Variants in ELP3 observed in about 807,000 individuals in gnomAD.
ELP3 encodes the protein elongator acetyltransferase complex subunit 3.
A neutral mutation model predicts 74.9 loss-of-function variants in ELP3; 56 were observed. That is an observed-to-expected ratio of 0.75 (90% CI 0.60 to 0.93). The LOEUF is 0.93. Ranked by LOEUF, ELP3 falls within the 40% of genes least tolerant of loss-of-function variation. The pLI is 0.00. For missense variants in ELP3, 573 were observed against 686.5 expected, an observed-to-expected ratio of 0.83 and a Z score of 1.85; for synonymous variants, 222 against 239.8, an observed-to-expected ratio of 0.93 and a Z score of 0.68.
intron 10 of ELP3, among the ~76,000 whole-genome samples, chr8:28,138,827 C>G (rs576710227): frequency 6.6e-6 from 1 of 152,348 alleles, no homozygotes; most frequent in African/African-American, 2.4e-5. Flanking sequence ...GTTTTAAAAT[C>G]ATTGGCCAAA....
rs995465865 is a variant in ELP3 at position 28,093,178 on chromosome 8, T to G, written c.-37T>G. 1.2e-6 allele frequency: 2 copies of G among 1,610,728 alleles called. No individual in the cohort carries two copies. The highest frequency in any genetic ancestry group is 2.7e-5 in the African/African-American group (2 of 74,926). ...CCCGTGGTCTGAGTTTGTGGCTGCA[T>G]TTTTATCTCTGGTGGCTCTGCTACG... On this transcript the variant is annotated 5_prime_UTR_variant, in exon 1 of 15. Coordinates refer to ENST00000256398, the MANE Select transcript of ELP3 (RefSeq NM_018091.6).
Position 28,190,586 on chromosome 8 carries a change from T to TTC in ELP3, c.*863_*864dup, listed in dbSNP as rs893087981. 1 of 151,884 alleles carries TTC rather than the reference T, an allele frequency of 6.6e-6. No homozygotes were observed. The highest frequency in any genetic ancestry group is 2.4e-5 in the African/African-American group (1 of 41,344). 9.4% of individuals were successfully genotyped at this position (151,884 alleles called of 1,614,324 possible). On this transcript the variant is annotated 3_prime_UTR_variant, in exon 15 of 15. Coordinates refer to ENST00000256398, the MANE Select transcript of ELP3 (RefSeq NM_018091.6). ...CCATTACTTGCAATTTTTTTTTTTT[T>TTC]TCTGAGAAAGTCTCGCTGTGTCACC...
At chr8:28,179,658 T>C (rs1814919168) in intron 14 of ELP3, among the ~76,000 whole-genome samples, 1 of 152,216 alleles carries the variant, frequency 6.6e-6, no homozygotes, top group Non-Finnish European at 1.5e-5. Flanking sequence ...AGCAGTCCCA[T>C]CTGGGGATGA....
At chr8:28,152,541 C>T (rs1813681011) in intron 10 of ELP3, among the ~76,000 whole-genome samples, 2 of 152,334 alleles carry the variant, frequency 1.3e-5, no homozygotes, top group African/African-American at 4.8e-5. Context: ...CACAGTGGCT[C>T]ATGCCTGTAA....
At chr8:28,102,459 C>G (rs1026743086) in intron 3 of ELP3, among the ~76,000 whole-genome samples, 9 of 152,100 alleles carry the variant, frequency 5.9e-5, no homozygotes, top group African/African-American at 1.4e-4. Flanking sequence ...TTTGTCCTAC[C>G]TACATGAAAT....
At position 28,190,686 on chromosome 8, in the gene ELP3, T is replaced by C. The variant is rs1815428180; in HGVS notation, c.*961T>C. On this transcript the variant is annotated 3_prime_UTR_variant, in exon 15 of 15. Coordinates refer to ENST00000256398, the MANE Select transcript of ELP3 (RefSeq NM_018091.6). ...TTCAAGCGATTCTCCCGCCTCAGCC[T>C]CCTGAGTAGCTGGGATTACAGGCAC... The C allele has an allele frequency of 6.6e-6, 1 of 152,030 alleles. No homozygotes were observed. Among genetic ancestry groups the C allele is most frequent in the Admixed American group, 6.6e-5 (1 of 15,230 alleles). 9.4% of individuals were successfully genotyped at this position (152,030 alleles called of 1,614,324 possible). A position where few individuals can be genotyped will look rare whatever the true frequency, so the allele number is the denominator to read the frequency against.
chr8:28,167,158 T>G (rs1353565855), intron 14 of ELP3, among the ~76,000 whole-genome samples: 1 of 152,106 alleles, frequency 6.6e-6, no homozygotes, highest in Non-Finnish European at 1.5e-5. Context: ...AAATATAGGG[T>G]GATTAAATGA....
intron 10 of ELP3, among the ~76,000 whole-genome samples, chr8:28,155,321 C>G (rs1219346639): frequency 6.6e-6 from 1 of 152,114 alleles, no homozygotes; most frequent in Non-Finnish European, 1.5e-5. Flanking sequence ...AACTTCAGCT[C>G]TTGATGGAAG....
At chr8:28,184,440 A>AC (rs1467119589) in intron 14 of ELP3, among the ~76,000 whole-genome samples, 1 of 152,012 alleles carries the variant, frequency 6.6e-6, no homozygotes, top group Non-Finnish European at 1.5e-5. Flanking sequence ...TCTAGGGCAC[A>AC]CCCCCTGTAG....
Position 28,097,608 on chromosome 8 carries a change from G to C in ELP3, c.119+290G>C, listed in dbSNP as rs935277607. ...AGACGGGGTTTCACCGTGTTAGCCA[G>C]GACGGTCTCGATCTCCTGACCTCGT... On this transcript the variant is annotated intron_variant, in intron 2 of 14. Coordinates refer to ENST00000256398, the MANE Select transcript of ELP3 (RefSeq NM_018091.6). 2.0e-5 allele frequency among the ~76,000 whole-genome samples: 3 copies of C among 152,096 alleles called. No homozygotes were observed. In the East Asian group the frequency reaches 5.8e-4, roughly 29 times the overall value.
At chr8:28,172,352 C>A (rs1054066565) in intron 14 of ELP3, among the ~76,000 whole-genome samples, 1 of 151,986 alleles carries the variant, frequency 6.6e-6, no homozygotes, top group African/African-American at 2.4e-5. Flanking sequence ...TTTCAGTGTG[C>A]CAGTCTTGCA....
chr8:28,168,212 T>G (rs1005048844), intron 14 of ELP3, among the ~76,000 whole-genome samples: 2 of 152,242 alleles, frequency 1.3e-5, no homozygotes. Context: ...TATTATTGAA[T>G]AGGCCACTAA....
chr8:28,187,984 A>T (rs1815306816), intron 14 of ELP3, among the ~76,000 whole-genome samples: 1 of 152,156 alleles, frequency 6.6e-6, no homozygotes, highest in Non-Finnish European at 1.5e-5. Flanking sequence ...TCAGTTAGGG[A>T]TACGAGGAGG....
At position 28,188,718 on chromosome 8, in the gene ELP3, G is replaced by C. The variant is rs116114221; in HGVS notation, c.1568-931G>C. On this transcript the variant is annotated intron_variant, in intron 14 of 14. Transcript: ENST00000256398. The stretch of plus-strand genomic sequence containing the variant: ...TCACTTGTATCTTTTATCATATCCT[G>C]TAATAAACTGGTAAACGTAAGTAAA... Among the ~76,000 whole-genome samples, 901 of 152,280 alleles carry C rather than the reference G, an allele frequency of 5.9e-3. 13 individuals carry two copies. Among genetic ancestry groups the C allele is most frequent in the African/African-American group, 0.02 (840 of 41,544 alleles).
chr8:28,138,490 A>G (rs1348800983), intron 10 of ELP3, among the ~76,000 whole-genome samples: 1 of 152,170 alleles, frequency 6.6e-6, no homozygotes, highest in East Asian at 1.9e-4. Context: ...TCACAGAAAA[A>G]TTTTAGAAGC....
At chr8:28,112,985 A>G (rs373007690) in intron 6 of ELP3, 34 bp from the exon 7 acceptor site, 123 of 1,599,006 alleles carry the variant, frequency 7.7e-5, no homozygotes, top group Middle Eastern at 3.4e-4. Context: ...CCTTATGCTT[A>G]TATCATTCTA....
At chr8:28,132,180 C>T in intron 8 of ELP3, 98 bp from the exon 9 acceptor site, 5 of 1,316,686 alleles carry the variant, frequency 3.8e-6, no homozygotes, top group Non-Finnish European at 5.4e-6. Flanking sequence ...ATTGTTTTCC[C>T]CTTGTTCCTT....
At position 28,143,445 on chromosome 8, in the gene ELP3, A is replaced by G. The variant is rs148943131; in HGVS notation, c.1100+5554A>G. Among the ~76,000 whole-genome samples, 519 of 152,322 alleles carry G rather than the reference A, an allele frequency of 3.4e-3. 2 individuals are homozygous for G. The highest frequency in any genetic ancestry group is 0.012 in the African/African-American group (479 of 41,574). ...ATATATGTATTAATAACAAGTTAAC[A>G]TTATTTTTCCAAAAATTTCCTTACA... On this transcript the variant is annotated intron_variant, in intron 10 of 14. Coordinates refer to ENST00000256398, the MANE Select transcript of ELP3 (RefSeq NM_018091.6).
rs1815394056 is a variant in ELP3, at chr8:28,189,929, A to T, written c.*204A>T. The T allele has an allele frequency of 4.0e-6, 2 of 494,668 alleles. No individual in the cohort carries two copies. The highest frequency in any genetic ancestry group is 3.9e-5 in the African/African-American group (2 of 51,364). 30.6% of individuals were successfully genotyped at this position (494,668 alleles called of 1,614,324 possible). A position where few individuals can be genotyped will look rare whatever the true frequency, so the allele number is the denominator to read the frequency against. On this transcript the variant is annotated 3_prime_UTR_variant, in exon 15 of 15. Transcript: ENST00000256398. ...CCCAGATCCGCCCTCTCCTGCGTGCACCCCAAAAAATCACTTGCGTTTTTG... is the reference window on the plus strand; with the variant it reads ...CCCAGATCCGCCCTCTCCTGCGTGCTCCCCAAAAAATCACTTGCGTTTTTG...
Sources: allele counts gnomAD v4.1 joint callset (sites outside exome capture counted in the v4.1 genomes callset), GRCh38; gene constraint gnomAD v4.1.1; transcripts MANE v1.5; gene names NCBI Gene and HGNC (gene_info 2026-07-23, HGNC 2026-07-21).